Variants in MTMR12 observed in about 807,000 individuals in gnomAD.
MTMR12 encodes the protein myotubularin related protein 12, also known as myotubularin-related protein 12.
In MTMR12, 33 loss-of-function variants were observed where a neutral mutation model predicts 96.7. The observed-to-expected ratio is 0.34, with a 90% CI of 0.26 to 0.46. The LOEUF (loss-of-function observed/expected upper bound fraction) is 0.46. MTMR12 is among the 20% of genes least tolerant of loss of function. The pLI, the probability that MTMR12 is intolerant of heterozygous loss-of-function variation, is 1.00. For missense variants in MTMR12, 721 were observed against 896.1 expected, an observed-to-expected ratio of 0.80 and a Z score of 2.49; for synonymous variants, 298 against 327.2, an observed-to-expected ratio of 0.91 and a Z score of 0.96.
At chr5:32,255,562 A>G (rs546070829) in intron 8 of MTMR12, 131 bp downstream of exon 8, 95 of 822,042 alleles carry the variant, frequency 1.2e-4, no homozygotes, top group Non-Finnish European at 1.7e-4. Context: ...GGGAGTCCCT[A>G]AGATATTTCT....
At chr5:32,292,600 G>C (rs965430482) in intron 1 of MTMR12, among the ~76,000 whole-genome samples, 2 of 152,214 alleles carry the variant, frequency 1.3e-5, no homozygotes, top group Admixed American at 6.5e-5. Context: ...ATGGAGGTAA[G>C]GAAGAGTATG....
intron 1 of MTMR12, among the ~76,000 whole-genome samples, chr5:32,279,076 C>CAAAAAAAAAAAAAAAA (rs35999870): frequency 1.2e-4 from 6 of 50,518 alleles, no homozygotes; most frequent in Non-Finnish European, 1.9e-4. Context: ...AACTCTGTCT[C>CAAAAAAAAAAAAAAAA]AAAAAAAAAA....
intron 1 of MTMR12, among the ~76,000 whole-genome samples, chr5:32,291,369 G>C (rs1388545551): frequency 2.6e-5 from 4 of 152,226 alleles, no homozygotes; most frequent in Admixed American, 2.0e-4. Context: ...ATGGCCAGAT[G>C]TCCGATTATA....
chr5:32,303,683 AC>A (rs1751232980), intron 1 of MTMR12, among the ~76,000 whole-genome samples: 1 of 151,982 alleles, frequency 6.6e-6, no homozygotes, highest in African/African-American at 2.4e-5. Context: ...AACTCCATCT[AC>A]CAGGGATGTC....
At chr5:32,236,894 CA>C (rs1748258187) in intron 13 of MTMR12, among the ~76,000 whole-genome samples, 1 of 152,020 alleles carries the variant, frequency 6.6e-6, no homozygotes, top group African/African-American at 2.4e-5. Flanking sequence ...CTCGTCTCCA[CA>C]AAGTATCAGC....
chr5:32,282,460 T>TA (rs1554062189), intron 1 of MTMR12, among the ~76,000 whole-genome samples: 10 of 147,902 alleles, frequency 6.8e-5, no homozygotes, highest in Non-Finnish European at 1.2e-4. Flanking sequence ...AATAAATAAA[T>TA]AAATAAAATA....
At chr5:32,269,326 C>CTAT (rs1196109365) in intron 5 of MTMR12, among the ~76,000 whole-genome samples, 147 of 149,956 alleles carry the variant, frequency 9.8e-4, no homozygotes, top group African/African-American at 3.1e-3. Flanking sequence ...CCTGCCCAGC[C>CTAT]TATTATTATT....
At chr5:32,242,743 C>T (rs1227526569) in intron 11 of MTMR12, among the ~76,000 whole-genome samples, 1 of 151,920 alleles carries the variant, frequency 6.6e-6, no homozygotes, top group African/African-American at 2.4e-5. Flanking sequence ...TCTGCCCACC[C>T]CACACAAAGA....
chr5:32,246,291 T>C (rs564062542), intron 10 of MTMR12, among the ~76,000 whole-genome samples: 2 of 152,022 alleles, frequency 1.3e-5, no homozygotes, highest in African/African-American at 4.8e-5. Context: ...CCCCTCCAAG[T>C]AGCTGGGATT....
intron 7 of MTMR12, among the ~76,000 whole-genome samples, chr5:32,256,391 T>C (rs1749131993): frequency 6.6e-6 from 1 of 152,252 alleles, no homozygotes; most frequent in African/African-American, 2.4e-5. Flanking sequence ...GACACTATTC[T>C]GCTAAGACTC....
chr5:32,294,220 C>G (rs1191334750), intron 1 of MTMR12, among the ~76,000 whole-genome samples: 1 of 152,198 alleles, frequency 6.6e-6, no homozygotes, highest in East Asian at 1.9e-4. Flanking sequence ...GGTCAAAACT[C>G]TCTCCATCAG....
chr5:32,271,043 C>G, intron 4 of MTMR12, 96 bp from the exon 5 acceptor site: 2 of 1,349,298 alleles, frequency 1.5e-6, no homozygotes, highest in Middle Eastern at 4.8e-4. Flanking sequence ...TCTAGGGATA[C>G]TTCCCAAGAA....
intron 1 of MTMR12, among the ~76,000 whole-genome samples, chr5:32,303,614 A>T (rs1751230750): frequency 1.3e-5 from 2 of 152,204 alleles, no homozygotes; most frequent in South Asian, 4.1e-4. Flanking sequence ...GAATAAACTC[A>T]TGGTGCTAGG....
rs545985625 is a variant in MTMR12, at chr5:32,285,678, A to G, written c.82-8936T>C. ...AACCCACAGCTGTGTCTACCCCCAC[A>G]TTATCTAAGAACCTCACCCATGCTG... On this transcript the variant is annotated intron_variant, in intron 1 of 15. Transcript: ENST00000382142. Among the ~76,000 whole-genome samples the G allele has an allele frequency of 5.3e-5, 8 of 152,202 alleles. No individual in the cohort carries two copies. The South Asian group carries it at 1.7e-3, about 32-fold the overall frequency.
chr5:32,263,877 A>G (rs1749480438), intron 6 of MTMR12, among the ~76,000 whole-genome samples: 1 of 152,250 alleles, frequency 6.6e-6, no homozygotes, highest in Non-Finnish European at 1.5e-5. Context: ...GGCTTGGCAC[A>G]AATGCTAAAG....
At chr5:32,281,628 G>A (rs916139793) in intron 1 of MTMR12, among the ~76,000 whole-genome samples, 45 of 152,292 alleles carry the variant, frequency 3.0e-4, no homozygotes, top group African/African-American at 1.0e-3. Context: ...TGGGCCGGGC[G>A]TGGTGGCTCA....
At chr5:32,244,807 T>C (rs1748615167) in intron 10 of MTMR12, among the ~76,000 whole-genome samples, 1 of 152,212 alleles carries the variant, frequency 6.6e-6, no homozygotes, top group Non-Finnish European at 1.5e-5. Context: ...CACCAACGAC[T>C]AGCATAGTTA....
Position 32,310,001 on chromosome 5 carries a change from G to A in MTMR12, c.81+2757C>T, listed in dbSNP as rs187539084. 7.3e-4 allele frequency among the ~76,000 whole-genome samples: 111 copies of A among 152,292 alleles called. 1 individual carries two copies. Among genetic ancestry groups the A allele is most frequent in the Middle Eastern group, 3.4e-3 (1 of 294 alleles). ...CACCATATGATCCGGCAAGCCCACTGCTAGGTATACACCCAAAAGAAAGGA... is the reference window on the plus strand; with the variant it reads ...CACCATATGATCCGGCAAGCCCACTACTAGGTATACACCCAAAAGAAAGGA... On this transcript the variant is annotated intron_variant, in intron 1 of 15. Coordinates refer to ENST00000382142, the MANE Select transcript of MTMR12 (RefSeq NM_001040446.3).
Position 32,270,852 on chromosome 5 carries a change from A to G in MTMR12, c.454T>C (p.Cys152Arg). 1.2e-6 allele frequency: 2 copies of G among 1,613,844 alleles called. No homozygotes were observed. The highest frequency in any genetic ancestry group is 1.7e-6 in the Non-Finnish European group (2 of 1,179,898). Residue 152 changes from cysteine (C) to arginine (R), a missense_variant, in exon 5 of 16, where the codon TGT (cysteine) becomes CGT (arginine). Transcript: ENST00000382142. ...TCCTCTTCCTTTGTGTACCTCAGAC[A>G]AAACTGGAACACTCGAAGGTCTTTG... ...HCKDLRVFQF[C>R]LRYTKEEEVK...
Sources: allele counts gnomAD v4.1 joint callset (sites outside exome capture counted in the v4.1 genomes callset), GRCh38; gene constraint gnomAD v4.1.1; transcripts MANE v1.5; gene names NCBI Gene and HGNC (gene_info 2026-07-23, HGNC 2026-07-21).